Variants in TARS3 observed in about 807,000 individuals in gnomAD.
The protein encoded by TARS3 is threonine--tRNA ligase 2, cytoplasmic.
In TARS3, 94 loss-of-function variants were observed where a neutral mutation model predicts 103.5. The observed-to-expected ratio is 0.91, with a 90% confidence interval of 0.77 to 1.08. The LOEUF (loss-of-function observed/expected upper bound fraction) is 1.08. TARS3 is among the 50% of genes least tolerant of loss of function. The probability of loss-of-function intolerance (pLI) is 0.00; values close to 1 mark genes in which losing one functional copy is unlikely to be tolerated. For missense variants in TARS3, 952 were observed against 995.2 expected (o/e 0.96, Z 0.58); for synonymous variants, 416 against 355.4 (o/e 1.17, Z -1.92).
At chr15:101,699,155 C>T (rs950673521) in intron 10 of TARS3, among the ~76,000 whole-genome samples, 1 of 151,982 alleles carries the variant, frequency 6.6e-6, no homozygotes, top group Non-Finnish European at 1.5e-5. Flanking sequence ...GTGACACAAC[C>T]ATAATAACAA....
intron 2 of TARS3, among the ~76,000 whole-genome samples, 161 bp downstream of exon 2, chr15:101,722,932 A>C (rs1166711051): frequency 6.6e-6 from 1 of 152,186 alleles, no homozygotes; most frequent in Non-Finnish European, 1.5e-5. Context: ...TCATTTCTCA[A>C]GACATCTCAT....
chr15:101,724,121 C>T lies in TARS3; in HGVS notation c.267G>A (p.Glu89=), dbSNP rs1401303603. The T allele has an allele frequency of 1.4e-6, 2 of 1,411,984 alleles. No individual in the cohort carries two copies. Among genetic ancestry groups the T allele is most frequent in the East Asian group, 3.0e-5 (1 of 33,890 alleles). 87.5% of individuals were successfully genotyped at this position (1,411,984 alleles called of 1,614,324 possible). Reference sequence around the variant, plus strand: ...CGCCGGCCTCCTGCGCCGCCTCTAGCTCCGCGCTCTCCAGCGTGGCCTGGC... The same window carrying T: ...CGCCGGCCTCCTGCGCCGCCTCTAGTTCCGCGCTCTCCAGCGTGGCCTGGC... The part of the protein sequence containing the change: ...RSRQATLESA[E]LEAAQEAGAQ... The change falls in exon 1 of 19, where the codon GAG becomes GAA. Residue 89 remains glutamate (E), a synonymous_variant. Coordinates refer to ENST00000335968, the MANE Select transcript of TARS3 (RefSeq NM_152334.3).
intron 10 of TARS3, among the ~76,000 whole-genome samples, chr15:101,690,649 T>G (rs1443123572): frequency 6.6e-6 from 1 of 152,250 alleles, no homozygotes; most frequent in Non-Finnish European, 1.5e-5. Context: ...ATTTTTGTAC[T>G]AACTGCATAG....
At chr15:101,697,768 A>T (rs1243953943) in intron 10 of TARS3, among the ~76,000 whole-genome samples, 6 of 152,292 alleles carry the variant, frequency 3.9e-5, no homozygotes, top group Middle Eastern at 3.4e-3. Flanking sequence ...TGAAAGTCTT[A>T]GGAGTGTGCT....
Position 101,685,895 on chromosome 15 carries a change from C to T in TARS3, c.1487+1G>A. 6.2e-7 allele frequency: 1 copy of T among 1,613,018 alleles called. No homozygotes were observed. Among genetic ancestry groups the T allele is most frequent in the East Asian group, 2.2e-5 (1 of 44,868 alleles). On this transcript the variant is annotated splice_donor_variant, in intron 11 of 18. Transcript: ENST00000335968. LOFTEE classifies it high-confidence loss of function. ...AGGTCTGCTTCGCTTTTAATACTCA[C>T]CAGTGCCCTGGACAATTCATGGGTT...
Position 101,705,726 on chromosome 15 carries a change from T to C in TARS3, c.952A>G (p.Ile318Val). The change falls in exon 7 of 19, where the codon ATT (isoleucine) becomes GTT (valine). Residue 318 changes from isoleucine (I) to valine (V), a missense_variant. This residue lies in a region of TARS3 where 540 missense variants were observed against 631.0 expected (regional missense o/e 0.86). Coordinates refer to ENST00000335968, the MANE Select transcript of TARS3 (RefSeq NM_152334.3). ...MFKYNKFKCR[I>V]LNEKVNTATT... ...GCAGTGTTAACTTTCTCATTCAGAA[T>C]GCGGCATTTAAATTTATTGTACTAC... 1.2e-6 allele frequency: 2 copies of C among 1,610,782 alleles called. No homozygotes were observed. The highest frequency in any genetic ancestry group is 4.5e-5 in the East Asian group (2 of 44,874).
At chr15:101,661,398 T>A (rs1044656809) in intron 16 of TARS3, among the ~76,000 whole-genome samples, 1 of 150,776 alleles carries the variant, frequency 6.6e-6, no homozygotes, top group Non-Finnish European at 1.5e-5. Flanking sequence ...AGCAACTAGA[T>A]CTCTGAAGGG....
intron 6 of TARS3, among the ~76,000 whole-genome samples, chr15:101,706,954 T>C (rs1454161937): frequency 1.3e-5 from 2 of 152,174 alleles, no homozygotes; most frequent in African/African-American, 4.8e-5. Context: ...ATCCAGAATA[T>C]ATCAAGAACT....
intron 5 of TARS3, 99 bp downstream of exon 5, chr15:101,711,781 T>C (rs1899879249): frequency 2.2e-6 from 3 of 1,378,406 alleles, no homozygotes; most frequent in Non-Finnish European, 2.9e-6. Context: ...CCACATTATG[T>C]AAGGGCCAGC....
chr15:101,655,868 T>G, intron 18 of TARS3: 1 of 1,282,984 alleles, frequency 7.8e-7, no homozygotes, highest in Non-Finnish European at 1.0e-6. Flanking sequence ...CTGGCATACC[T>G]GATGAGCCAA....
At position 101,715,170 on chromosome 15, in the gene TARS3, G is replaced by A. The variant is rs920021669; in HGVS notation, c.567-207C>T. On this transcript the variant is annotated intron_variant, in intron 3 of 18. Transcript: ENST00000335968. ...CACTGTTTTTTTTTTTTTTTGAGAC[G>A]GAGTCTCGCTCTGTCGCCCAGGCTG... Among the ~76,000 whole-genome samples the A allele has an allele frequency of 1.1e-4, 16 of 143,842 alleles. 1 individual carries two copies. The East Asian group carries it at 2.0e-3, about 18-fold the overall frequency. The allele number at this position is 143,842 out of a possible 152,430, so 94.4% of individuals were successfully genotyped here.
intron 17 of TARS3, 104 bp downstream of exon 17, chr15:101,657,681 G>T: frequency 1.5e-6 from 1 of 681,894 alleles, no homozygotes. Context: ...TTAAGCTAAT[G>T]TGTCAGTTCT....
chr15:101,680,148 A>T (rs1262946552), intron 12 of TARS3, among the ~76,000 whole-genome samples: 2 of 152,166 alleles, frequency 1.3e-5, no homozygotes, highest in Non-Finnish European at 2.9e-5. Flanking sequence ...GCTTCCTAAT[A>T]AGCCTTCTCT....
At chr15:101,719,409 A>T (rs1243222573) in intron 3 of TARS3, among the ~76,000 whole-genome samples, 2 of 152,152 alleles carry the variant, frequency 1.3e-5, no homozygotes, top group African/African-American at 2.4e-5. Context: ...TTGGGGAGTG[A>T]GTGTGTCAGA....
Position 101,656,935 on chromosome 15 carries a change from A to G in TARS3, c.2247T>C (p.Tyr749=), listed in dbSNP as rs1476177245. 3 of 1,607,154 alleles carry G rather than the reference A, an allele frequency of 1.9e-6. No individual in the cohort carries two copies. The highest frequency in any genetic ancestry group is 2.6e-6 in the Non-Finnish European group (3 of 1,175,936). ...KKIRNAQLAQ[Y]NFILVVGEKE... ...AACTTAAATTACCCAAAATAAAATT[A>G]TACTGAGCCAGCTGTGCATTTCGTA... The change falls in exon 18 of 19, where the codon TAT becomes TAC. Residue 749 remains tyrosine, a synonymous_variant. Transcript: ENST00000335968.
At chr15:101,711,812 G>A (rs1899880843) in intron 5 of TARS3, 68 bp downstream of exon 5, 1 of 1,559,800 alleles carries the variant, frequency 6.4e-7, no homozygotes, top group Admixed American at 1.7e-5. Flanking sequence ...TACTAGGCTA[G>A]TATGTAACCA....
intron 13 of TARS3, among the ~76,000 whole-genome samples, chr15:101,672,765 C>T (rs973203065): frequency 3.3e-5 from 5 of 152,142 alleles, no homozygotes; most frequent in Non-Finnish European, 7.3e-5. Flanking sequence ...CCAGAGAAAG[C>T]CACCCCACGG....
chr15:101,667,784 C>T (rs1897640546), intron 15 of TARS3, among the ~76,000 whole-genome samples: 1 of 151,950 alleles, frequency 6.6e-6, no homozygotes. Context: ...GGGGTTTCAC[C>T]AACCATATGG....
intron 10 of TARS3, chr15:101,699,343 G>C (rs74500709): frequency 2.2e-6 from 1 of 454,228 alleles, no homozygotes; most frequent in Non-Finnish European, 4.4e-6. Flanking sequence ...TAGAATAAGA[G>C]ATCACTGGGT....
Sources: gnomAD v4.1 joint callset for allele counts (sites outside exome capture counted in the v4.1 genomes callset) on GRCh38, gnomAD v4.1.1 for gene constraint, gnomAD v4.1.1 regional missense constraint, MANE v1.5 for transcripts, NCBI Gene and HGNC (gene_info 2026-07-23, HGNC 2026-07-21) for gene names.